SUPT6H: variants seen among roughly 807,000 people sequenced by gnomAD.
SUPT6H encodes the protein transcription elongation factor SPT6.
SUPT6H carries 11 observed loss-of-function variants against 222.3 expected under a neutral mutation model. The ratio of observed to expected loss-of-function variants is 0.05; its 90% confidence interval spans 0.03 to 0.08. The LOEUF is 0.08. SUPT6H is among the 10% of genes least tolerant of loss of function. The pLI, the probability that SUPT6H is intolerant of heterozygous loss-of-function variation, is 1.00. For synonymous variants in SUPT6H, 762 were observed against 801.2 expected, an observed-to-expected ratio of 0.95 and a Z score of 0.83; for missense variants, 1,422 against 2,216.0, an observed-to-expected ratio of 0.64 and a Z score of 7.19.
chr17:28,689,812 TAC>T (rs1271716097), intron 25 of SUPT6H, among the ~76,000 whole-genome samples: 2 of 152,042 alleles, frequency 1.3e-5, no homozygotes, highest in African/African-American at 4.8e-5. Context: ...ATGTCAGTAC[TAC>T]AGTTTCCGTC....
Position 28,678,803 on chromosome 17 carries a change from T to C in SUPT6H, c.1207-18T>C, listed in dbSNP as rs769054996. On this transcript the variant is annotated intron_variant, in intron 10 of 36. Transcript: ENST00000314616. Reference sequence around the variant, plus strand: ...AGGGCTGAACACAAGCTCTCATTCCTGCCCTACTTCACCTTAGTGGACCCA... The same window carrying C: ...AGGGCTGAACACAAGCTCTCATTCCCGCCCTACTTCACCTTAGTGGACCCA... 3.1e-6 allele frequency: 5 copies of C among 1,614,130 alleles called. No individual in the cohort carries two copies. Among genetic ancestry groups the C allele is most frequent in the Admixed American group, 1.7e-5 (1 of 60,010 alleles).
In SUPT6H at chr17:28,684,635, C is replaced by T; in HGVS notation, c.2279C>T (p.Pro760Leu). 1.2e-6 allele frequency: 2 copies of T among 1,614,116 alleles called. No homozygotes were observed. Among genetic ancestry groups the T allele is most frequent in the South Asian group, 2.2e-5 (2 of 91,066 alleles). ...YNWLRVAPYR[P>L]DQQVEEDDDF... ...TGGTTGAGAGTGGCACCCTACCGAC[C>T]AGATCAGCAGGTGGAAGAAGATGAC... is the stretch of plus-strand genomic sequence containing the variant. Residue 760 changes from proline to leucine, a missense_variant, in exon 18 of 37, where the codon CCA becomes CTA. Around this residue, in one of 13 missense-constraint regions of SUPT6H, gnomAD observed 294 missense variants for 382.1 expected, o/e 0.77. Transcript: ENST00000314616.
intron 27 of SUPT6H, among the ~76,000 whole-genome samples, chr17:28,692,789 C>T (rs540331051): frequency 6.8e-6 from 1 of 146,986 alleles, no homozygotes; most frequent in East Asian, 2.1e-4. Flanking sequence ...ATCACGAGGT[C>T]AGGAGATCGA....
At chr17:28,680,512 T>C (rs2031041194) in intron 11 of SUPT6H, among the ~76,000 whole-genome samples, 1 of 151,878 alleles carries the variant, frequency 6.6e-6, no homozygotes, top group Non-Finnish European at 1.5e-5. Flanking sequence ...GGAGAATCTC[T>C]TAAACCCAGG....
rs576715286 is a variant in SUPT6H, at chr17:28,678,974, C to G, written c.1349+11C>G. On this transcript the variant is annotated intron_variant, in intron 11 of 36. Coordinates refer to ENST00000314616, the MANE Select transcript of SUPT6H (RefSeq NM_003170.5). ...CACTGACATGGAGAGGTAAAACATG[C>G]GGTGTTTATTCCATTATGGGAAGCC... is the stretch of plus-strand genomic sequence containing the variant. 6.2e-7 allele frequency: 1 copy of G among 1,614,058 alleles called. No homozygotes were observed. Among genetic ancestry groups the G allele is most frequent in the Admixed American group, 1.7e-5 (1 of 60,024 alleles).
In SUPT6H at chr17:28,700,443, C is replaced by T; in HGVS notation, c.4737C>T (p.Ala1579=). Residue 1579 remains alanine (A), a synonymous_variant, in exon 35 of 37, where the codon GCC becomes GCT. Transcript: ENST00000314616. ...CAGGCCAAGGACAGAACCCTAATGCCACCCCAGCCCAGTGGGCCTCCAGCC... is the reference window on the plus strand; with the variant it reads ...CAGGCCAAGGACAGAACCCTAATGCTACCCCAGCCCAGTGGGCCTCCAGCC... ...AVTGQGQNPN[A]TPAQWASSQY... The T allele has an allele frequency of 6.2e-7, 1 of 1,614,254 alleles. No homozygotes were observed. The highest frequency in any genetic ancestry group is 8.5e-7 in the Non-Finnish European group (1 of 1,180,050).
chr17:28,699,921 G>A, intron 33 of SUPT6H, 28 bp downstream of exon 33: 1 of 1,599,314 alleles, frequency 6.3e-7, no homozygotes, highest in Non-Finnish European at 8.6e-7. Flanking sequence ...TGACTTCAGG[G>A]ACGTGGCTGG....
Position 28,699,875 on chromosome 17 carries a change from T to C in SUPT6H, c.4543T>C (p.Tyr1515His). 1 of 1,613,674 alleles carries C rather than the reference T, an allele frequency of 6.2e-7. No individual in the cohort carries two copies. The highest frequency in any genetic ancestry group is 8.5e-7 in the Non-Finnish European group (1 of 1,179,528). The part of the protein sequence containing the change: ...NGLFRWFKDH[Y>H]QDPVPGITPS... ...ACTGTTTAGATGGTTTAAGGATCAC[T>C]ACCAGGATCCTGTACCAGGTGAGTT... The change falls in exon 33 of 37, where the codon TAC (tyrosine) becomes CAC (histidine). Residue 1515 changes from tyrosine to histidine, a missense_variant. Tyr to His is a moderately conservative substitution (Grantham distance 83, BLOSUM62 2). Around this residue, in one of 13 missense-constraint regions of SUPT6H, gnomAD observed 395 missense variants for 580.6 expected, o/e 0.68. Coordinates refer to ENST00000314616, the MANE Select transcript of SUPT6H (RefSeq NM_003170.5).
rs764503214 is a variant in SUPT6H, at chr17:28,674,989, A to G, written c.365A>G (p.Lys122Arg). 25 of 1,614,144 alleles carry G rather than the reference A, an allele frequency of 1.5e-5. No individual in the cohort carries two copies. In the South Asian group the frequency reaches 2.6e-4, roughly 17 times the overall value. The change falls in exon 5 of 37, where the codon AAA (lysine) becomes AGA (arginine). Residue 122 changes from lysine to arginine, a missense_variant. This residue lies in a region of SUPT6H where 389 missense variants were observed against 544.6 expected (regional missense o/e 0.71). Transcript: ENST00000314616. ...CCCTAGCAAAAGTACCGGCGTGTCA[A>G]AAAAATGTCAGATGACGAGGACGAT... ...VKRGQKYRRVKKMSDDEDDDE... is the reference protein window; with the variant it reads ...VKRGQKYRRVRKMSDDEDDDE...
chr17:28,687,300 A>G lies in SUPT6H; in HGVS notation c.2839-4A>G, dbSNP rs994315443. 3 of 1,614,044 alleles carry G rather than the reference A, an allele frequency of 1.9e-6. No homozygotes were observed. Among genetic ancestry groups the G allele is most frequent in the African/African-American group, 2.7e-5 (2 of 74,910 alleles). On this transcript the variant is annotated splice_polypyrimidine_tract_variant and splice_region_variant and intron_variant, in intron 22 of 36. Transcript: ENST00000314616. ...CCTTACTCCTGCCTGCTGAATGTCC[A>G]CAGGAGCATGTGGTGAAAGAGGAGC...
rs746897950 is a variant in SUPT6H at position 28,693,676 on chromosome 17, TCTC to T, written c.3634-16_3634-14del. 13 of 1,613,776 alleles carry T rather than the reference TCTC, an allele frequency of 8.1e-6. No homozygotes were observed. Among genetic ancestry groups the T allele is most frequent in the African/African-American group, 4.0e-5 (3 of 74,916 alleles). On this transcript the variant is annotated splice_polypyrimidine_tract_variant and intron_variant, in intron 27 of 36. Transcript: ENST00000314616. ...TCCAGAATATTGATAATCAAGCTCT[TCTC>T]CTCATGCCCTCTTCAGGTGTGGAAC...
chr17:28,674,900 G>GA, intron 4 of SUPT6H, 70 bp from the exon 5 acceptor site: 1 of 1,532,126 alleles, frequency 6.5e-7, no homozygotes, highest in Non-Finnish European at 8.9e-7. Flanking sequence ...AGAAGGGAGT[G>GA]AGACTGGAGA....
intron 25 of SUPT6H, among the ~76,000 whole-genome samples, chr17:28,689,881 T>C (rs1174166872): frequency 1.3e-5 from 2 of 152,172 alleles, no homozygotes; most frequent in African/African-American, 4.8e-5. Flanking sequence ...GTGGACTCAT[T>C]GGGGTTCCAT....
At chr17:28,676,928 A>G (rs2030782542) in intron 7 of SUPT6H, among the ~76,000 whole-genome samples, 1 of 152,096 alleles carries the variant, frequency 6.6e-6, no homozygotes, top group African/African-American at 2.4e-5. Flanking sequence ...TCAAAAAAAA[A>G]AAACCATGAA....
chr17:28,676,570 T>TA (rs2034222454), intron 7 of SUPT6H, 140 bp downstream of exon 7: 20 of 1,318,918 alleles, frequency 1.5e-5, no homozygotes, highest in Non-Finnish European at 1.9e-5. Context: ...ATCCAGCTCT[T>TA]AGAGAAGGGA....
intron 5 of SUPT6H, 83 bp from the exon 6 acceptor site, chr17:28,675,318 C>A: frequency 6.6e-7 from 1 of 1,518,194 alleles, no homozygotes; most frequent in Non-Finnish European, 9.1e-7. Flanking sequence ...TGCTCACTGG[C>A]CACTCACATA....
chr17:28,689,921 T>G (rs1295979291), intron 25 of SUPT6H, among the ~76,000 whole-genome samples, 161 bp from the exon 26 acceptor site: 1 of 152,162 alleles, frequency 6.6e-6, no homozygotes, highest in Non-Finnish European at 1.5e-5. Flanking sequence ...GTTTCATGGC[T>G]AAGTTTGAAA....
intron 27 of SUPT6H, among the ~76,000 whole-genome samples, chr17:28,693,031 T>C (rs543147171): frequency 6.9e-6 from 1 of 145,266 alleles, no homozygotes; most frequent in Non-Finnish European, 1.5e-5. Flanking sequence ...TTACCCAGAC[T>C]TGGGGGCGTG....
chr17:28,696,585 CAAA>C (rs368924462), intron 29 of SUPT6H, among the ~76,000 whole-genome samples: 9 of 54,020 alleles, frequency 1.7e-4, no homozygotes, highest in Non-Finnish European at 2.6e-4. Flanking sequence ...GAGACTGTCT[CAAA>C]AAAAAAAAAA....
Sources: gnomAD v4.1 joint callset for allele counts (sites outside exome capture counted in the v4.1 genomes callset) on GRCh38, gnomAD v4.1.1 for gene constraint, gnomAD v4.1.1 regional missense constraint, MANE v1.5 for transcripts, NCBI Gene and HGNC (gene_info 2026-07-23, HGNC 2026-07-21) for gene names.